Variants in CHCHD3 observed in about 807,000 individuals in gnomAD.
CHCHD3 encodes the protein coiled-coil-helix-coiled-coil-helix domain containing 3.
CHCHD3 carries 20 observed loss-of-function variants against 38.2 expected under a neutral mutation model. The ratio of observed to expected loss-of-function variants is 0.52; its 90% confidence interval spans 0.37 to 0.76. The LOEUF (loss-of-function observed/expected upper bound fraction) is 0.76. CHCHD3 is among the 30% of genes least tolerant of loss of function. The probability of loss-of-function intolerance (pLI) is 0.00; values close to 1 mark genes in which losing one functional copy is unlikely to be tolerated. For synonymous variants in CHCHD3, 82 were observed against 100.0 expected (o/e 0.82, Z 1.07); for missense variants, 245 against 279.2 (o/e 0.88, Z 0.87).
intron 4 of CHCHD3, among the ~76,000 whole-genome samples, chr7:132,947,907 A>AT (rs540702923): frequency 3.3e-5 from 5 of 152,094 alleles, no homozygotes; most frequent in Non-Finnish European, 5.9e-5. Context: ...TGACATACAG[A>AT]TATCATTTAA....
intron 4 of CHCHD3, among the ~76,000 whole-genome samples, chr7:132,946,995 AAC>A (rs1426424104): frequency 1.3e-5 from 2 of 151,954 alleles, no homozygotes; most frequent in South Asian, 2.1e-4. Context: ...TTTTCTGCTA[AAC>A]AGTTATAAAC....
intron 6 of CHCHD3, among the ~76,000 whole-genome samples, chr7:132,808,720 G>C (rs1806992111): frequency 6.9e-6 from 1 of 145,030 alleles, no homozygotes; most frequent in South Asian, 2.3e-4. Context: ...TGGTTCTTTT[G>C]TTGTTATTTA....
At chr7:132,797,686 T>A (rs765025753) in intron 6 of CHCHD3, among the ~76,000 whole-genome samples, 1 of 152,182 alleles carries the variant, frequency 6.6e-6, no homozygotes, top group Non-Finnish European at 1.5e-5. Flanking sequence ...TACTTACAAA[T>A]CTCAGATTTT....
intron 5 of CHCHD3, among the ~76,000 whole-genome samples, chr7:132,883,782 AT>A (rs1809133510): frequency 6.6e-6 from 1 of 152,132 alleles, no homozygotes; most frequent in South Asian, 2.1e-4. Context: ...TCTCTAAACC[AT>A]TTCACTTTAT....
intron 1 of CHCHD3, among the ~76,000 whole-genome samples, chr7:133,076,935 A>G (rs543353001): frequency 2.3e-4 from 35 of 152,144 alleles, no homozygotes; most frequent in Middle Eastern, 6.8e-3. Context: ...TTCTCTCTTG[A>G]TCCTCCTTCC....
In CHCHD3 at chr7:132,785,222, C is replaced by T. The variant is rs575624753; in HGVS notation, c.*415G>A. On this transcript the variant is annotated 3_prime_UTR_variant, in exon 8 of 8. Coordinates refer to ENST00000262570, the MANE Select transcript of CHCHD3 (RefSeq NM_017812.4). Reference sequence around the variant, plus strand: ...CTGCCCTCGGATCTATGTTTTCTGGCTCTCTCCTCGCCCCACTCCAATTAA... The same window carrying T: ...CTGCCCTCGGATCTATGTTTTCTGGTTCTCTCCTCGCCCCACTCCAATTAA... 5 of 172,672 alleles carry T rather than the reference C, an allele frequency of 2.9e-5. No individual in the cohort carries two copies. In the South Asian group the frequency reaches 7.9e-4, roughly 27 times the overall value. The allele number at this position is 172,672 out of a possible 1,614,324, so 10.7% of individuals were successfully genotyped here.
At chr7:132,991,657 A>G (rs1812287477) in intron 3 of CHCHD3, among the ~76,000 whole-genome samples, 1 of 152,206 alleles carries the variant, frequency 6.6e-6, no homozygotes, top group Non-Finnish European at 1.5e-5. Context: ...CAGCAAACCC[A>G]GTAAGATGAA....
intron 3 of CHCHD3, among the ~76,000 whole-genome samples, chr7:132,985,747 C>T (rs1249114725): frequency 3.3e-5 from 3 of 91,848 alleles, no homozygotes; most frequent in Middle Eastern, 6.3e-3. Flanking sequence ...GTCAGCCCCC[C>T]ACCCGGCCAG....
intron 6 of CHCHD3, among the ~76,000 whole-genome samples, chr7:132,832,245 G>A (rs1457541877): frequency 1.3e-5 from 2 of 152,074 alleles, no homozygotes; most frequent in Admixed American, 6.6e-5. Context: ...TACTTTATAA[G>A]GATAACCTAA....
rs1812644007 is a variant in CHCHD3, at chr7:133,004,236, A to C, written c.251+20310T>G. Among the ~76,000 whole-genome samples, 3 of 152,238 alleles carry C rather than the reference A, an allele frequency of 2.0e-5. 1 individual carries two copies. The South Asian group carries it at 6.2e-4, about 31-fold the overall frequency. ...CTCAGCCTCCCAAAGTGCTGGGATTACAGGCATGAGCCACTACACCCAGCA... is the reference window on the plus strand; with the variant it reads ...CTCAGCCTCCCAAAGTGCTGGGATTCCAGGCATGAGCCACTACACCCAGCA... On this transcript the variant is annotated intron_variant, in intron 3 of 7. Transcript: ENST00000262570.
intron 4 of CHCHD3, among the ~76,000 whole-genome samples, chr7:132,889,590 CAACA>C (rs1440355600): frequency 6.6e-6 from 1 of 152,080 alleles, no homozygotes; most frequent in East Asian, 1.9e-4. Context: ...TCCTAAGACC[CAACA>C]CCACCAAGTT....
chr7:133,037,674 G>A (rs953958053), intron 2 of CHCHD3, among the ~76,000 whole-genome samples: 2 of 152,092 alleles, frequency 1.3e-5, no homozygotes, highest in Non-Finnish European at 1.5e-5. Context: ...TTAGCCAGGC[G>A]TGGTGGTGCA....
At chr7:132,952,201 C>T (rs1811051345) in intron 4 of CHCHD3, among the ~76,000 whole-genome samples, 1 of 152,214 alleles carries the variant, frequency 6.6e-6, no homozygotes. Context: ...TTGCCTCTTT[C>T]ATGTCCTTAA....
At chr7:132,898,669 G>T (rs994228412) in intron 4 of CHCHD3, among the ~76,000 whole-genome samples, 1 of 152,250 alleles carries the variant, frequency 6.6e-6, no homozygotes, top group African/African-American at 2.4e-5. Flanking sequence ...GGCGCTCGTC[G>T]AGGAGGCTCG....
intron 2 of CHCHD3, among the ~76,000 whole-genome samples, chr7:133,051,565 G>GTATA: frequency 6.6e-6 from 1 of 152,006 alleles, no homozygotes; most frequent in South Asian, 2.1e-4. Context: ...TTGTTTAAAC[G>GTATA]TATACTCTTG....
At chr7:132,909,202 T>C (rs1170476539) in intron 4 of CHCHD3, among the ~76,000 whole-genome samples, 8 of 152,096 alleles carry the variant, frequency 5.3e-5, no homozygotes, top group Non-Finnish European at 1.2e-4. Flanking sequence ...CTCTTTCCTT[T>C]ATAAATTGCC....
At chr7:132,800,716 T>C (rs1806768148) in intron 6 of CHCHD3, among the ~76,000 whole-genome samples, 1 of 152,116 alleles carries the variant, frequency 6.6e-6, no homozygotes, top group African/African-American at 2.4e-5. Context: ...ATCCTTTCCC[T>C]GTACCTGAAC....
At chr7:133,026,938 ATTC>A (rs1368928000) in intron 2 of CHCHD3, among the ~76,000 whole-genome samples, 14 of 151,594 alleles carry the variant, frequency 9.2e-5, no homozygotes, top group Non-Finnish European at 1.5e-4. Context: ...TATTGAAAAT[ATTC>A]TTTTTTTTTT....
At chr7:132,838,298 A>T (rs1325862324) in intron 6 of CHCHD3, 101 bp downstream of exon 6, 12 of 727,350 alleles carry the variant, frequency 1.6e-5, no homozygotes, top group Non-Finnish European at 2.3e-6. Flanking sequence ...CAAGTATTCT[A>T]GAGTGCTATA....
Sources: allele counts gnomAD v4.1 joint callset (sites outside exome capture counted in the v4.1 genomes callset), GRCh38; gene constraint gnomAD v4.1.1; transcripts MANE v1.5; gene names NCBI Gene and HGNC (gene_info 2026-07-23, HGNC 2026-07-21).